GRID2: variants seen among roughly 807,000 people sequenced by gnomAD.
The protein encoded by GRID2 is glutamate receptor ionotropic, delta-2.
In GRID2, 33 loss-of-function variants were observed where a neutral mutation model predicts 114.8. The ratio of observed to expected loss-of-function variants is 0.29; its 90% CI spans 0.22 to 0.38. The LOEUF (loss-of-function observed/expected upper bound fraction) is 0.38. Ranked by LOEUF, GRID2 falls within the 10% of genes least tolerant of loss-of-function variation. The pLI, the probability that GRID2 is intolerant of heterozygous loss-of-function variation, is 1.00. For missense variants in GRID2, 1,184 were observed against 1,257.7 expected (o/e 0.94, Z 0.89); for synonymous variants, 505 against 449.9 (o/e 1.12, Z -1.55).
chr4:93,136,232 T>TTG (rs3970984), intron 4 of GRID2, among the ~76,000 whole-genome samples: 2,921 of 142,332 alleles, frequency 0.021, 54 homozygotes, highest in East Asian at 0.078. Context: ...CCAACAGTTA[T>TTG]TGTGTGTGTG....
At chr4:93,307,265 G>A (rs186268725) in intron 8 of GRID2, among the ~76,000 whole-genome samples, 63 of 151,930 alleles carry the variant, frequency 4.1e-4, no homozygotes, top group African/African-American at 1.4e-3. Context: ...AACCTATTGT[G>A]GTATTGTGGT....
At chr4:92,320,730 G>T (rs1343397987) in intron 1 of GRID2, among the ~76,000 whole-genome samples, 1 of 151,958 alleles carries the variant, frequency 6.6e-6, no homozygotes, top group African/African-American at 2.4e-5. Flanking sequence ...CACCTGCCTC[G>T]GCCTCCCAAA....
intron 2 of GRID2, among the ~76,000 whole-genome samples, chr4:92,598,744 G>A (rs1466892130): frequency 5.3e-5 from 8 of 152,116 alleles, no homozygotes; most frequent in African/African-American, 1.9e-4. Context: ...ATATGGGATT[G>A]TAAATATGGT....
intron 13 of GRID2, among the ~76,000 whole-genome samples, chr4:93,612,969 C>G (rs1365692077): frequency 2.4e-4 from 36 of 147,046 alleles, no homozygotes; most frequent in African/African-American, 8.8e-4. Context: ...TAGATTTGGT[C>G]TTTTCACATA....
intron 2 of GRID2, among the ~76,000 whole-genome samples, chr4:92,745,987 A>C (rs1737132608): frequency 6.6e-6 from 1 of 152,128 alleles, no homozygotes; most frequent in South Asian, 2.1e-4. Flanking sequence ...AGCTTCCCAA[A>C]GCGCTGCATT....
chr4:93,370,297 A>G (rs1560548668), intron 8 of GRID2, among the ~76,000 whole-genome samples: 1 of 152,078 alleles, frequency 6.6e-6, no homozygotes, highest in Non-Finnish European at 1.5e-5. Context: ...GCTTCTTCTT[A>G]AATTTCCGAT....
chr4:92,700,605 T>C (rs1377906999), intron 2 of GRID2, among the ~76,000 whole-genome samples: 1 of 152,184 alleles, frequency 6.6e-6, no homozygotes, highest in Non-Finnish European at 1.5e-5. Context: ...TAGGTACAAA[T>C]ATGGAAGTCT....
At chr4:92,913,608 G>A (rs1356335718) in intron 2 of GRID2, among the ~76,000 whole-genome samples, 6 of 151,752 alleles carry the variant, frequency 4.0e-5, no homozygotes, top group East Asian at 1.9e-4. Context: ...GACTGTATAC[G>A]GGCATCTAAT....
rs1734173284 is a variant in GRID2, at chr4:93,772,325, G to A, written c.2851G>A (p.Gly951Ser). 6.2e-7 allele frequency: 1 copy of A among 1,614,112 alleles called. No individual in the cohort carries two copies. Among genetic ancestry groups the A allele is most frequent in the Admixed American group, 1.7e-5 (1 of 60,006 alleles). ...CACACTGTCAGCTAAAGCTGCTTCT[G>A]GTTTCACTTTTGGCAACGTGCCTGA... ...SRTLSAKAAS[G>S]FTFGNVPEHR... The change falls in exon 16 of 16, where the codon GGT (glycine) becomes AGT (serine). Residue 951 changes from glycine (G) to serine (S), a missense_variant. Gly to Ser is a moderately conservative substitution (Grantham distance 56). Transcript: ENST00000282020.
intron 2 of GRID2, among the ~76,000 whole-genome samples, chr4:92,733,370 C>CA (rs1736425122): frequency 1.3e-5 from 2 of 152,100 alleles, no homozygotes; most frequent in Admixed American, 1.3e-4. Flanking sequence ...AAGAGTCTCA[C>CA]AGACTCTGTC....
At chr4:92,884,836 GA>G (rs1746261088) in intron 2 of GRID2, 2 of 361,480 alleles carry the variant, frequency 5.5e-6, no homozygotes, top group Non-Finnish European at 1.1e-5. Flanking sequence ...TGCTTTATGT[GA>G]AAAGAATTAC....
At chr4:93,427,646 T>C (rs1050379476) in intron 10 of GRID2, among the ~76,000 whole-genome samples, 2 of 151,956 alleles carry the variant, frequency 1.3e-5, no homozygotes, top group East Asian at 3.9e-4. Context: ...GCTTTCTCAT[T>C]AAAACCAGAA....
intron 8 of GRID2, among the ~76,000 whole-genome samples, chr4:93,312,816 C>T (rs6854968): frequency 0.45 from 69,056 of 151,940 alleles, 16,426 homozygotes; most frequent in East Asian, 0.61. Flanking sequence ...TGTTTCTGCA[C>T]CTTAATCAGA....
intron 1 of GRID2, among the ~76,000 whole-genome samples, chr4:92,567,380 C>T (rs1220465923): frequency 2.0e-5 from 3 of 151,842 alleles, no homozygotes; most frequent in South Asian, 2.1e-4. Flanking sequence ...GATAGGCTTA[C>T]ATTTGCCACT....
At chr4:93,207,961 C>A (rs749659023) in intron 5 of GRID2, among the ~76,000 whole-genome samples, 41 of 151,824 alleles carry the variant, frequency 2.7e-4, no homozygotes, top group Non-Finnish European at 4.0e-4. Flanking sequence ...TTGTGAAAGT[C>A]TTTTGATTTT....
intron 2 of GRID2, among the ~76,000 whole-genome samples, chr4:92,681,396 A>T (rs2149284553): frequency 6.6e-6 from 1 of 152,262 alleles, no homozygotes; most frequent in East Asian, 1.9e-4. Context: ...ATGAGTGAGA[A>T]CATGTGGTGT....
chr4:92,634,029 C>CT (rs1301545530), intron 2 of GRID2, among the ~76,000 whole-genome samples: 1 of 151,498 alleles, frequency 6.6e-6, no homozygotes, highest in East Asian at 2.0e-4. Context: ...GGTGTCCAAT[C>CT]TTTTTGATTC....
chr4:93,076,335 A>G (rs1179327225), intron 2 of GRID2, among the ~76,000 whole-genome samples: 4 of 152,210 alleles, frequency 2.6e-5, no homozygotes, highest in Non-Finnish European at 5.9e-5. Flanking sequence ...GTGTCAGGTC[A>G]TAAAGAATTC....
intron 14 of GRID2, among the ~76,000 whole-genome samples, chr4:93,637,256 C>A (rs560233373): frequency 6.6e-6 from 1 of 152,122 alleles, no homozygotes; most frequent in African/African-American, 2.4e-5. Context: ...ACTATAAAGG[C>A]CCTAACTATG....
Sources: gnomAD v4.1 joint callset for allele counts (sites outside exome capture counted in the v4.1 genomes callset) on GRCh38, gnomAD v4.1.1 for gene constraint, MANE v1.5 for transcripts, NCBI Gene and HGNC (gene_info 2026-07-23, HGNC 2026-07-21) for gene names.